Variants in PEX5 observed in about 807,000 individuals in gnomAD.
The protein encoded by PEX5 is PTS1 receptor.
PEX5 carries 52 observed loss-of-function variants against 82.9 expected under a neutral mutation model. The ratio of observed to expected loss-of-function variants is 0.63; its 90% CI spans 0.50 to 0.79. The LOEUF is 0.79. PEX5 is among the 30% of genes least tolerant of loss of function. The pLI is 0.00. For missense variants in PEX5, 719 were observed against 815.2 expected, an observed-to-expected ratio of 0.88 and a Z score of 1.44; for synonymous variants, 300 against 318.8, an observed-to-expected ratio of 0.94 and a Z score of 0.63.
At chr12:7,201,585 C>A in intron 6 of PEX5, 166 bp from the exon 7 acceptor site, 1 of 691,560 alleles carries the variant, frequency 1.4e-6, no homozygotes, top group Non-Finnish European at 2.7e-6. Context: ...TACTTTCACA[C>A]TCCTGCCCAA....
In PEX5 at chr12:7,209,859, AAATG is replaced by A; in HGVS notation, c.1718+29_1718+32del. On this transcript the variant is annotated intron_variant, in intron 15 of 15. Coordinates refer to ENST00000675855, the MANE Select transcript of PEX5 (RefSeq NM_001351132.2). ...CTCACCGGTGAGAGTATCTATTGAG[AAATG>A]AATGAATGAGCTTTTTCTCCCTGCC... is the stretch of plus-strand genomic sequence containing the variant. 1 of 1,613,980 alleles carries A rather than the reference AAATG, an allele frequency of 6.2e-7. No homozygotes were observed. The highest frequency in any genetic ancestry group is 8.5e-7 in the Non-Finnish European group (1 of 1,179,854).
At chr12:7,198,559 G>A (rs754341221) in intron 5 of PEX5, among the ~76,000 whole-genome samples, 9 of 152,096 alleles carry the variant, frequency 5.9e-5, no homozygotes, top group African/African-American at 9.7e-5. Context: ...TCCTTTGGCC[G>A]GGATTGTGTG....
At chr12:7,216,383 A>T (rs763955865), downstream of PEX5, among the ~76,000 whole-genome samples, 1 of 152,366 alleles carries the variant, frequency 6.6e-6, no homozygotes, top group Non-Finnish European at 1.5e-5. Flanking sequence ...ATTTCATTTA[A>T]TCTAGTATTT....
chr12:7,202,608 G>A lies in PEX5; in HGVS notation c.754-4G>A, dbSNP rs111286659. On this transcript the variant is annotated splice_region_variant and splice_polypyrimidine_tract_variant and intron_variant, in intron 8 of 15. Coordinates refer to ENST00000675855, the MANE Select transcript of PEX5 (RefSeq NM_001351132.2). ...GTGGTACTGACCATCCTTTTTTGTC[G>A]CAGGGTACATCAGATGCCTGGGTTG... 5.3e-4 allele frequency: 854 copies of A among 1,612,926 alleles called. No individual in the cohort carries two copies. Among genetic ancestry groups the A allele is most frequent in the Non-Finnish European group, 6.5e-4 (762 of 1,179,024 alleles).
upstream of PEX5, chr12:7,189,634 G>A: frequency 3.1e-6 from 1 of 319,656 alleles, no homozygotes; most frequent in Non-Finnish European, 5.6e-6. Context: ...GGCCGCTGCG[G>A]GGCGGTCACG....
chr12:7,211,506 G>C (rs1945567945), downstream of PEX5: 1 of 152,258 alleles, frequency 6.6e-6, no homozygotes, highest in Non-Finnish European at 1.5e-5. Context: ...ATGAAGCTGG[G>C]ATGGCAGAAG....
chr12:7,215,492 GA>G (rs1464282824), downstream of PEX5, among the ~76,000 whole-genome samples: 5 of 152,134 alleles, frequency 3.3e-5, no homozygotes, highest in African/African-American at 1.2e-4. Flanking sequence ...AATCAACCTG[GA>G]TGCCCATCAA....
At chr12:7,205,413 CTGTT>C (rs1416701180) in intron 10 of PEX5, among the ~76,000 whole-genome samples, 8 of 152,174 alleles carry the variant, frequency 5.3e-5, no homozygotes, top group Non-Finnish European at 8.8e-5. Flanking sequence ...TTTGAATGCA[CTGTT>C]TGTTTATTGA....
intron 10 of PEX5, 49 bp from the exon 11 acceptor site, chr12:7,207,610 T>G: frequency 3.7e-6 from 6 of 1,603,178 alleles, no homozygotes; most frequent in Non-Finnish European, 5.1e-6. Context: ...ATCCCTGCTG[T>G]TCTGACGGTG....
chr12:7,202,835 TG>T, intron 9 of PEX5, 131 bp downstream of exon 9: 1 of 765,016 alleles, frequency 1.3e-6, no homozygotes, highest in Non-Finnish European at 2.3e-6. Context: ...CAGAGTTGCT[TG>T]GGGATGGGGT....
At chr12:7,201,302 TACAC>T (rs1005480984) in intron 6 of PEX5, among the ~76,000 whole-genome samples, 10 of 28,998 alleles carry the variant, frequency 3.4e-4, no homozygotes, top group East Asian at 7.3e-4. Flanking sequence ...TATACACACA[TACAC>T]ATACACATGT....
In PEX5 at chr12:7,210,605, G is replaced by A. The variant is rs1400903860; in HGVS notation, c.*382G>A. The stretch of plus-strand genomic sequence containing the variant: ...GTCTGTCCTTTCCCCCACTTTTACT[G>A]GGAATTGATAGTCCAGCTTCCTTGG... On this transcript the variant is annotated 3_prime_UTR_variant, in exon 16 of 16. Transcript: ENST00000675855. 4 of 358,482 alleles carry A rather than the reference G, an allele frequency of 1.1e-5. No homozygotes were observed. The highest frequency in any genetic ancestry group is 2.2e-5 in the Non-Finnish European group (4 of 185,770). The allele number at this position is 358,482 out of a possible 1,614,324, so 22.2% of individuals were successfully genotyped here.
chr12:7,190,667 G>A (rs746115218), intron 2 of PEX5, 143 bp downstream of exon 2: 1 of 1,525,960 alleles, frequency 6.6e-7, no homozygotes, highest in Non-Finnish European at 8.9e-7. Flanking sequence ...AGGTGGAGGG[G>A]CTGTTTGCAC....
chr12:7,209,211 A>G, intron 14 of PEX5, 41 bp downstream of exon 14: 2 of 1,597,294 alleles, frequency 1.3e-6, no homozygotes. Flanking sequence ...ATGACTGTGT[A>G]CCTTATTGAA....
At chr12:7,201,227 AC>A (rs1356840369) in intron 6 of PEX5, among the ~76,000 whole-genome samples, 1 of 152,110 alleles carries the variant, frequency 6.6e-6, no homozygotes, top group Non-Finnish European at 1.5e-5. Context: ...GTATATACAC[AC>A]GTATACATAT....
In PEX5 at chr12:7,199,063, A is replaced by G; in HGVS notation, c.501A>G (p.Ser167=). The G allele has an allele frequency of 1.2e-6, 2 of 1,610,740 alleles. No homozygotes were observed. Among genetic ancestry groups the G allele is most frequent in the African/African-American group, 1.3e-5 (1 of 74,946 alleles). The change falls in exon 6 of 16, where the codon TCA becomes TCG. Residue 167 remains serine (S), a synonymous_variant. Transcript: ENST00000675855. ...ARWAEEYLEQ[S]EEKLWLGEPE... ...GGGCTGAGGAATATTTGGAGCAATCAGAGGAGAAGCTGTGGCTGGGAGAAC... is the reference window on the plus strand; with the variant it reads ...GGGCTGAGGAATATTTGGAGCAATCGGAGGAGAAGCTGTGGCTGGGAGAAC...
At position 7,211,014 on chromosome 12, in the gene PEX5, GGAA is replaced by G. The variant is rs1253505925; in HGVS notation, c.*793_*795del. The stretch of plus-strand genomic sequence containing the variant: ...CGTTGGTGGGAGGACAGAGCAAGTG[GGAA>G]GGGGGTATGGTGAGTGCGGCAATCC... On this transcript the variant is annotated 3_prime_UTR_variant, in exon 16 of 16. Transcript: ENST00000675855. 1.3e-5 allele frequency: 2 copies of G among 153,864 alleles called. No homozygotes were observed. The highest frequency in any genetic ancestry group is 4.9e-5 in the African/African-American group (2 of 41,030). The allele number at this position is 153,864 out of a possible 1,614,324, so 9.5% of individuals were successfully genotyped here.
At chr12:7,197,242 T>TTA (rs778579687) in intron 5 of PEX5, among the ~76,000 whole-genome samples, 1,125 of 10,534 alleles carry the variant, frequency 0.11, 326 homozygotes, top group African/African-American at 0.13. Flanking sequence ...TATGTAATAA[T>TTA]TATATGTCAT....
rs187571620 is a variant in PEX5 at position 7,210,337 on chromosome 12, C to T, written c.*114C>T. On this transcript the variant is annotated 3_prime_UTR_variant, in exon 16 of 16. Coordinates refer to ENST00000675855, the MANE Select transcript of PEX5 (RefSeq NM_001351132.2). The stretch of plus-strand genomic sequence containing the variant: ...GGCGGGCTGATGACCATAAGCGGTA[C>T]GGCCTTTCAGGAGCTGCCTCAACGT... 8.1e-4 allele frequency: 789 copies of T among 972,206 alleles called. 1 individual carries two copies. The African/African-American group carries it at 8.9e-3, about 11-fold the overall frequency. The allele number at this position is 972,206 out of a possible 1,614,324, so 60.2% of individuals were successfully genotyped here.
Sources: allele counts gnomAD v4.1 joint callset (sites outside exome capture counted in the v4.1 genomes callset), GRCh38; gene constraint gnomAD v4.1.1; transcripts MANE v1.5; gene names NCBI Gene and HGNC (gene_info 2026-07-23, HGNC 2026-07-21).